Variants in ANK2 observed in about 807,000 individuals in gnomAD.
The protein encoded by ANK2 is ankyrin-2.
In ANK2, 83 loss-of-function variants were observed where a neutral mutation model predicts 360.5. The ratio of observed to expected loss-of-function variants is 0.23; its 90% CI spans 0.19 to 0.28. The LOEUF (loss-of-function observed/expected upper bound fraction) is 0.28, where lower values mean the gene tolerates loss of function less well. ANK2 is among the 10% of genes least tolerant of loss of function. The probability of loss-of-function intolerance (pLI) is 1.00; values close to 1 mark genes in which losing one functional copy is unlikely to be tolerated. For missense variants in ANK2, 4,201 were observed against 4,795.7 expected (o/e 0.88, Z 3.66); for synonymous variants, 1,740 against 1,759.5 (o/e 0.99, Z 0.28).
intron 2 of ANK2, among the ~76,000 whole-genome samples, chr4:113,184,983 G>C (rs991935593): frequency 6.6e-6 from 1 of 152,072 alleles, no homozygotes; most frequent in Non-Finnish European, 1.5e-5. Context: ...GTGTTAATTT[G>C]CTGGGAATGA....
In ANK2 at chr4:113,369,697, G is replaced by A. The variant is rs2154066798; in HGVS notation, c.11502G>A (p.Glu3834=). The stretch of plus-strand genomic sequence containing the variant: ...TACAAGAACCCGAAGAGCCCTCAGA[G>A]CACAGAGAGGAGAGCTCTCCGCGGA... ...PIIQEPEEPS[E]HREESSPRKT... Residue 3834 remains glutamate (E), a synonymous_variant, in exon 43 of 46, where the codon GAG becomes GAA. Transcript: ENST00000357077. The A allele has an allele frequency of 1.2e-6, 2 of 1,614,138 alleles. No homozygotes were observed. The highest frequency in any genetic ancestry group is 1.7e-6 in the Non-Finnish European group (2 of 1,180,012).
the ANK2 span, among the ~76,000 whole-genome samples, chr4:112,757,911 C>T: frequency 1.7e-5 from 1 of 58,348 alleles, no homozygotes; most frequent in Non-Finnish European, 2.6e-5. Flanking sequence ...GACGGAGTCT[C>T]GCTCGTTTCT....
chr4:113,054,876 T>C (rs1271714850), intron 1 of ANK2, among the ~76,000 whole-genome samples: 1 of 152,198 alleles, frequency 6.6e-6, no homozygotes, highest in Admixed American at 6.5e-5. Context: ...TTTTATGATA[T>C]TAATTTTTTC....
In ANK2 at chr4:113,363,480, A is replaced by G. The variant is rs1589142552; in HGVS notation, c.10888+11A>G. 3 of 1,613,100 alleles carry G rather than the reference A, an allele frequency of 1.9e-6. No homozygotes were observed. Among genetic ancestry groups the G allele is most frequent in the Non-Finnish European group, 2.5e-6 (3 of 1,179,366 alleles). On this transcript the variant is annotated intron_variant, in intron 40 of 45. Coordinates refer to ENST00000357077, the MANE Select transcript of ANK2 (RefSeq NM_001148.6). The stretch of plus-strand genomic sequence containing the variant: ...GGAAACATGCTACAGGTAAGTGGGG[A>G]ACTATATGCATATTGGGCTAAAGTT...
chr4:112,705,669 ACCT>A, the ANK2 span, among the ~76,000 whole-genome samples: 12 of 151,850 alleles, frequency 7.9e-5, no homozygotes, highest in African/African-American at 2.9e-4. Flanking sequence ...CTCCCCACCC[ACCT>A]CCCGAACTCC....
the ANK2 span, among the ~76,000 whole-genome samples, chr4:112,710,515 G>T: frequency 6.6e-6 from 1 of 152,036 alleles, no homozygotes; most frequent in African/African-American, 2.4e-5. Context: ...GGCCAACATG[G>T]TGAAACCTCA....
At chr4:112,982,883 G>A (rs899651077) in intron 2 of ANK2, among the ~76,000 whole-genome samples, 1 of 152,106 alleles carries the variant, frequency 6.6e-6, no homozygotes, top group African/African-American at 2.4e-5. Context: ...AAAGAGAGAT[G>A]AAAAAGCTGT....
the ANK2 span, among the ~76,000 whole-genome samples, chr4:112,771,695 C>G: frequency 6.6e-6 from 1 of 152,110 alleles, no homozygotes; most frequent in African/African-American, 2.4e-5. Flanking sequence ...ACGCCATTCT[C>G]TTGCCTCAGC....
At chr4:113,168,162 A>T (rs2097817882) in intron 1 of ANK2, among the ~76,000 whole-genome samples, 1 of 152,198 alleles carries the variant, frequency 6.6e-6, no homozygotes. Flanking sequence ...GCTAGCAAAA[A>T]TTAGTGTTAA....
chr4:113,244,198 CT>C (rs2041590054), intron 9 of ANK2, among the ~76,000 whole-genome samples: 1 of 152,124 alleles, frequency 6.6e-6, no homozygotes, highest in South Asian at 2.1e-4. Flanking sequence ...GGTTTTCTAA[CT>C]GTATACATTG....
chr4:113,257,422 GAACTT>G (rs2050104529), intron 11 of ANK2, among the ~76,000 whole-genome samples: 1 of 151,926 alleles, frequency 6.6e-6, no homozygotes, highest in Admixed American at 6.6e-5. Context: ...AAATATTCGA[GAACTT>G]AACAGTCATT....
chr4:113,060,679 C>CT (rs58946073), intron 1 of ANK2, among the ~76,000 whole-genome samples: 1,319 of 89,254 alleles, frequency 0.015, 21 homozygotes, highest in African/African-American at 0.045. Flanking sequence ...ATCTAAAAAG[C>CT]TTTTTTTTTT....
chr4:113,010,462 G>T (rs935376164), intron 2 of ANK2, among the ~76,000 whole-genome samples: 1 of 152,112 alleles, frequency 6.6e-6, no homozygotes, highest in Non-Finnish European at 1.5e-5. Context: ...ACTGAGCGTA[G>T]ACTATGCACC....
chr4:113,365,205 G>C, intron 41 of ANK2, 23 bp downstream of exon 41: 1 of 410,338 alleles, frequency 2.4e-6, no homozygotes, highest in Non-Finnish European at 3.5e-6. Flanking sequence ...GTGTGTATGT[G>C]TGTGTGTGTG....
chr4:112,734,976 ATCT>A, the ANK2 span, among the ~76,000 whole-genome samples: 1,880 of 152,318 alleles, frequency 0.012, 49 homozygotes, highest in African/African-American at 0.043. Context: ...TCATAATGTG[ATCT>A]TATCAATCTA....
At chr4:113,248,795 C>G (rs1273726732) in intron 9 of ANK2, among the ~76,000 whole-genome samples, 1 of 152,180 alleles carries the variant, frequency 6.6e-6, no homozygotes, top group East Asian at 1.9e-4. Flanking sequence ...CATCCATTCT[C>G]TGTGATTTAT....
intron 4 of ANK2, among the ~76,000 whole-genome samples, chr4:113,215,672 G>GA (rs1319577874): frequency 6.6e-6 from 1 of 151,998 alleles, no homozygotes; most frequent in Non-Finnish European, 1.5e-5. Flanking sequence ...CAAACAGCCA[G>GA]AAAAAAATGA....
At chr4:112,981,180 A>G (rs1443160964) in intron 2 of ANK2, among the ~76,000 whole-genome samples, 2 of 152,252 alleles carry the variant, frequency 1.3e-5, no homozygotes, top group East Asian at 1.9e-4. Flanking sequence ...AGTGAAGTGC[A>G]TGCTCAAGGC....
chr4:112,853,593 G>T (rs2065582574), intron 1 of ANK2, among the ~76,000 whole-genome samples: 1 of 152,146 alleles, frequency 6.6e-6, no homozygotes, highest in South Asian at 2.1e-4. Context: ...AAAAGATCTT[G>T]TCTTACCTAT....
Sources: gnomAD v4.1 joint callset for allele counts (sites outside exome capture counted in the v4.1 genomes callset) on GRCh38, gnomAD v4.1.1 for gene constraint, MANE v1.5 for transcripts, NCBI Gene and HGNC (gene_info 2026-07-23, HGNC 2026-07-21) for gene names.